Variants in SLC23A2 observed in about 807,000 individuals in gnomAD.
SLC23A2 encodes the protein Na(+)/L-ascorbic acid transporter 2.
SLC23A2 carries 36 observed loss-of-function variants against 73.3 expected under a neutral mutation model. The observed-to-expected ratio is 0.49, with a 90% CI of 0.38 to 0.65. The LOEUF (loss-of-function observed/expected upper bound fraction) is 0.65, where lower values mean the gene tolerates loss of function less well. SLC23A2 is among the 30% of genes least tolerant of loss of function. The pLI is 0.00. For synonymous variants in SLC23A2, 343 were observed against 327.3 expected, an observed-to-expected ratio of 1.05 and a Z score of -0.52; for missense variants, 507 against 841.6, an observed-to-expected ratio of 0.60 and a Z score of 4.92.
chr20:4,968,947 T>C (rs2087518389), intron 2 of SLC23A2, among the ~76,000 whole-genome samples: 1 of 151,820 alleles, frequency 6.6e-6, no homozygotes, highest in African/African-American at 2.4e-5. Flanking sequence ...GGTCTCGAAC[T>C]CCTGACCTCA....
intron 2 of SLC23A2, among the ~76,000 whole-genome samples, chr20:4,957,094 A>T (rs949136873): frequency 6.6e-6 from 1 of 152,006 alleles, no homozygotes; most frequent in Admixed American, 6.6e-5. Flanking sequence ...GGCGTGAGTT[A>T]CTGCGCCCGG....
At chr20:4,913,110 G>T (rs765990964) in intron 3 of SLC23A2, 132 bp from the exon 4 acceptor site, 134 of 647,376 alleles carry the variant, frequency 2.1e-4, no homozygotes, top group Non-Finnish European at 3.4e-4. Flanking sequence ...TCCATGTACC[G>T]TATGGGGAGG....
intron 7 of SLC23A2, among the ~76,000 whole-genome samples, chr20:4,885,359 G>A (rs1568609466): frequency 6.6e-6 from 1 of 152,176 alleles, no homozygotes; most frequent in Non-Finnish European, 1.5e-5. Context: ...ACCTTATCGG[G>A]TTCCTTAAGG....
At chr20:4,890,248 CA>C (rs534358693) in intron 6 of SLC23A2, among the ~76,000 whole-genome samples, 5 of 152,258 alleles carry the variant, frequency 3.3e-5, no homozygotes, top group Admixed American at 3.3e-4. Flanking sequence ...GTCTAAACTG[CA>C]GGAAAAATTT....
At chr20:4,937,801 CCT>C (rs1470258286) in intron 2 of SLC23A2, among the ~76,000 whole-genome samples, 2 of 152,164 alleles carry the variant, frequency 1.3e-5, no homozygotes, top group African/African-American at 4.8e-5. Context: ...ATACACACTG[CCT>C]CTGTGAGACT....
At chr20:4,975,606 C>A (rs2087631916) in intron 1 of SLC23A2, among the ~76,000 whole-genome samples, 1 of 151,914 alleles carries the variant, frequency 6.6e-6, no homozygotes, top group Non-Finnish European at 1.5e-5. Context: ...GTCTCAAACT[C>A]CTGACCTCAA....
At chr20:4,864,260 C>T (rs73599309) in intron 13 of SLC23A2, among the ~76,000 whole-genome samples, 10,210 of 152,232 alleles carry the variant, frequency 0.067, 1,148 homozygotes, top group African/African-American at 0.23. Context: ...CAATTCCTCA[C>T]GTACACCGGC....
chr20:4,949,825 GAACCGCCA>G (rs1340250873), intron 2 of SLC23A2, among the ~76,000 whole-genome samples: 2 of 152,244 alleles, frequency 1.3e-5, no homozygotes, highest in African/African-American at 4.8e-5. Flanking sequence ...CCCCAAAGCA[GAACCGCCA>G]AATGGCCTTA....
At chr20:4,994,233 A>C (rs2087980085) in intron 1 of SLC23A2, among the ~76,000 whole-genome samples, 1 of 152,120 alleles carries the variant, frequency 6.6e-6, no homozygotes, top group African/African-American at 2.4e-5. Flanking sequence ...ATTAAACCTT[A>C]TTTACAAAAC....
chr20:4,897,056 C>T (rs926333715), intron 6 of SLC23A2, among the ~76,000 whole-genome samples: 3 of 152,216 alleles, frequency 2.0e-5, no homozygotes, highest in Admixed American at 6.5e-5. Context: ...TCCCTGATGG[C>T]GCTGCCCTTC....
chr20:4,980,725 T>C (rs1287560414), intron 1 of SLC23A2, among the ~76,000 whole-genome samples: 1 of 152,060 alleles, frequency 6.6e-6, no homozygotes, highest in Non-Finnish European at 1.5e-5. Flanking sequence ...AGATGGGGTT[T>C]CACCATGTTG....
intron 2 of SLC23A2, among the ~76,000 whole-genome samples, chr20:4,962,477 G>A (rs1322729245): frequency 1.3e-5 from 2 of 152,194 alleles, no homozygotes; most frequent in Non-Finnish European, 1.5e-5. Context: ...GGGAGGACAG[G>A]GTGTGTAGAC....
intron 3 of SLC23A2, among the ~76,000 whole-genome samples, chr20:4,924,253 C>T (rs1932595235): frequency 6.6e-6 from 1 of 152,196 alleles, no homozygotes; most frequent in African/African-American, 2.4e-5. Context: ...CTCGGCCACA[C>T]CTCCAGCCAA....
At position 4,868,498 on chromosome 20, in the gene SLC23A2, A is replaced by C. The variant is rs1245588767; in HGVS notation, c.1251-623T>G. 6.6e-6 allele frequency among the ~76,000 whole-genome samples: 1 copy of C among 152,228 alleles called. No homozygotes were observed. The highest frequency in any genetic ancestry group is 2.4e-5 in the African/African-American group (1 of 41,464). On this transcript the variant is annotated intron_variant, in intron 12 of 16. Coordinates refer to ENST00000338244, the MANE Select transcript of SLC23A2 (RefSeq NM_005116.6). This position sits in a 1 kb window ranked among gnomAD's most constrained non-coding sequence, Gnocchi z 4.4. Reference sequence around the variant, plus strand: ...TGAAAGCAAAGGATTTTAGCCAGAAAATAAAGCCATTTGTTGGGGTATAAG... The same window carrying C: ...TGAAAGCAAAGGATTTTAGCCAGAACATAAAGCCATTTGTTGGGGTATAAG...
At position 4,880,785 on chromosome 20, in the gene SLC23A2, G is replaced by T. The variant is rs753521564; in HGVS notation, c.824+2857C>A. Among the ~76,000 whole-genome samples the T allele has an allele frequency of 2.6e-5, 4 of 151,950 alleles. 1 individual carries two copies. Among genetic ancestry groups the T allele is most frequent in the Non-Finnish European group, 5.9e-5 (4 of 68,006 alleles). ...GCTCCAGGTATCCAGGCCAAGAGAC[G>T]CAAGCAGACCCACCGAGGGCAGCAC... On this transcript the variant is annotated intron_variant, in intron 9 of 16. Transcript: ENST00000338244.
chr20:4,922,269 CA>C (rs1176012709), intron 3 of SLC23A2, among the ~76,000 whole-genome samples: 4 of 152,138 alleles, frequency 2.6e-5, no homozygotes, highest in African/African-American at 9.7e-5. Flanking sequence ...GAATAGCAAT[CA>C]GGGGTCAGAA....
chr20:4,941,236 T>A (rs1364860034), intron 2 of SLC23A2, among the ~76,000 whole-genome samples: 2 of 151,830 alleles, frequency 1.3e-5, no homozygotes, highest in Non-Finnish European at 2.9e-5. Context: ...TAATTAACAA[T>A]ACGTCGGTCA....
chr20:4,950,725 T>C (rs2087188039), intron 2 of SLC23A2, among the ~76,000 whole-genome samples: 1 of 151,594 alleles, frequency 6.6e-6, no homozygotes, highest in Non-Finnish European at 1.5e-5. Flanking sequence ...CCTTCCCAAA[T>C]CCAGAAAGGG....
At chr20:4,920,954 C>T (rs1177145996) in intron 3 of SLC23A2, among the ~76,000 whole-genome samples, 1 of 152,088 alleles carries the variant, frequency 6.6e-6, no homozygotes, top group African/African-American at 2.4e-5. Flanking sequence ...AATAAAGGGG[C>T]TAGGGAGAAG....
Sources: gnomAD v4.1 joint callset for allele counts (sites outside exome capture counted in the v4.1 genomes callset) on GRCh38, gnomAD v4.1.1 for gene constraint, Gnocchi (gnomAD v3.1) non-coding constraint, MANE v1.5 for transcripts, NCBI Gene and HGNC (gene_info 2026-07-23, HGNC 2026-07-21) for gene names.